Variants in BANK1 observed in about 807,000 individuals in gnomAD.
BANK1 encodes B-cell scaffold protein with ankyrin repeats.
In BANK1, 95 loss-of-function variants were observed where a neutral mutation model predicts 94.5. That is an observed-to-expected ratio of 1.00 (90% CI 0.85 to 1.19). The LOEUF is 1.19. Among genes scored for constraint, BANK1 ranks in the 50% most tolerant of loss-of-function variants. The pLI, the probability that BANK1 is intolerant of heterozygous loss-of-function variation, is 0.00. For missense variants in BANK1, 987 were observed against 932.2 expected (o/e 1.06, Z -0.77); for synonymous variants, 334 against 308.4 (o/e 1.08, Z -0.87).
intron 10 of BANK1, among the ~76,000 whole-genome samples, chr4:102,031,499 A>G (rs1727310051): frequency 6.6e-6 from 1 of 152,182 alleles, no homozygotes; most frequent in Non-Finnish European, 1.5e-5. Flanking sequence ...TGTTTTAGAC[A>G]TGAAGTCCTT....
At chr4:101,873,513 T>TA (rs775765474) in intron 5 of BANK1, among the ~76,000 whole-genome samples, 10 of 152,156 alleles carry the variant, frequency 6.6e-5, no homozygotes, top group Admixed American at 2.0e-4. Context: ...ATTATCATTT[T>TA]AAAAAAACTG....
chr4:102,072,531 C>A, intron 15 of BANK1, 131 bp downstream of exon 15: 1 of 571,648 alleles, frequency 1.7e-6, no homozygotes, highest in African/African-American at 1.9e-5. Context: ...GTTAGGTGTG[C>A]CTTTGTGTGC....
rs1055109965 is a variant in BANK1, at chr4:101,963,781, G to A, written c.1206+45592G>A. 5.9e-5 allele frequency among the ~76,000 whole-genome samples: 9 copies of A among 152,060 alleles called. No homozygotes were observed. The East Asian group carries it at 7.7e-4, about 13-fold the overall frequency. On this transcript the variant is annotated intron_variant, in intron 7 of 16. Transcript: ENST00000322953. ...AATCATTTACCCGAGGCCTTTTCTC[G>A]CACCTGGTACTCAATTGACCCTCCT...
chr4:101,852,607 C>T (rs1348246109), intron 2 of BANK1, among the ~76,000 whole-genome samples: 3 of 150,102 alleles, frequency 2.0e-5, no homozygotes, highest in Non-Finnish European at 4.4e-5. Flanking sequence ...GAATAGGAGC[C>T]TACTAAATTG....
At chr4:101,929,515 T>A (rs1723275803) in intron 7 of BANK1, among the ~76,000 whole-genome samples, 1 of 151,660 alleles carries the variant, frequency 6.6e-6, no homozygotes, top group Admixed American at 6.6e-5. Context: ...CTCTCTTTTC[T>A]ACTGTATATG....
rs374245083 is a variant in BANK1, at chr4:101,978,426, T to A, written c.1207-43088T>A. ...AATTTAATTGCAATAATATATATGA[T>A]GTACCTGGAAGGTAGTAAGTACTCA... is the stretch of plus-strand genomic sequence containing the variant. On this transcript the variant is annotated intron_variant, in intron 7 of 16. Transcript: ENST00000322953. 3.9e-3 allele frequency among the ~76,000 whole-genome samples: 595 copies of A among 152,208 alleles called. 35 individuals are homozygous for A. In the South Asian group the frequency reaches 0.11, roughly 27 times the overall value.
chr4:101,860,782 G>A (rs1204311147), intron 3 of BANK1, among the ~76,000 whole-genome samples: 1 of 152,132 alleles, frequency 6.6e-6, no homozygotes, highest in Non-Finnish European at 1.5e-5. Context: ...GGAGTCGGTT[G>A]GGTGGATAAA....
chr4:101,826,176 C>T (rs1335734075), intron 1 of BANK1, among the ~76,000 whole-genome samples: 1 of 152,064 alleles, frequency 6.6e-6, no homozygotes, highest in African/African-American at 2.4e-5. Context: ...AGTAAGCCTT[C>T]ACATACTGTG....
At chr4:102,021,002 T>C (rs1215775366) in intron 7 of BANK1, among the ~76,000 whole-genome samples, 3 of 152,172 alleles carry the variant, frequency 2.0e-5, no homozygotes, top group African/African-American at 7.2e-5. Flanking sequence ...GTACATATAG[T>C]GGAACTGTTT....
Position 101,890,180 on chromosome 4 carries a change from G to A in BANK1, c.904-5125G>A, listed in dbSNP as rs868132970. On this transcript the variant is annotated intron_variant, in intron 5 of 16. Coordinates refer to ENST00000322953, the MANE Select transcript of BANK1 (RefSeq NM_017935.5). ...TATGTATGTGGATTGATGCTGATTG[G>A]TTAGATCATTGGGATGATGGTGTGT... Among the ~76,000 whole-genome samples, 107 of 152,178 alleles carry A rather than the reference G, an allele frequency of 7.0e-4. 1 individual carries two copies. The highest frequency in any genetic ancestry group is 2.4e-3 in the African/African-American group (101 of 41,534).
At chr4:102,044,029 C>A in intron 11 of BANK1, 122 bp downstream of exon 11, 1 of 540,884 alleles carries the variant, frequency 1.8e-6, no homozygotes, top group Non-Finnish European at 3.3e-6. Context: ...AAATCTTACT[C>A]TTTTTTTTAT....
At chr4:101,948,199 GA>G in intron 7 of BANK1, among the ~76,000 whole-genome samples, 1 of 152,194 alleles carries the variant, frequency 6.6e-6, no homozygotes, top group South Asian at 2.1e-4. Flanking sequence ...TACAAAAGAG[GA>G]AGATCACATA....
At chr4:101,987,558 A>G (rs1382755487) in intron 7 of BANK1, among the ~76,000 whole-genome samples, 1 of 152,090 alleles carries the variant, frequency 6.6e-6, no homozygotes, top group East Asian at 1.9e-4. Flanking sequence ...AGCTTATCTC[A>G]TTGGGAATTG....
chr4:102,021,416 T>C (rs1726894612), intron 7 of BANK1, 98 bp from the exon 8 acceptor site: 1 of 449,660 alleles, frequency 2.2e-6, no homozygotes. Context: ...TGTAATATAA[T>C]ATTTAAATAA....
chr4:101,848,400 T>G (rs1727339041), intron 2 of BANK1, among the ~76,000 whole-genome samples: 1 of 152,224 alleles, frequency 6.6e-6, no homozygotes, highest in South Asian at 2.1e-4. Flanking sequence ...GTATTCATTT[T>G]AGGTCAAACC....
At chr4:101,861,012 G>T (rs977188946) in intron 3 of BANK1, among the ~76,000 whole-genome samples, 1 of 152,270 alleles carries the variant, frequency 6.6e-6, no homozygotes, top group African/African-American at 2.4e-5. Context: ...TACTAGAAGC[G>T]AGGCCCTGTG....
At chr4:102,020,010 A>G (rs1288168605) in intron 7 of BANK1, among the ~76,000 whole-genome samples, 3 of 152,136 alleles carry the variant, frequency 2.0e-5, no homozygotes, top group African/African-American at 4.8e-5. Flanking sequence ...AAACAATTCC[A>G]TTAGGTTTCA....
chr4:101,921,352 T>C (rs1722991092), intron 7 of BANK1, among the ~76,000 whole-genome samples: 1 of 152,066 alleles, frequency 6.6e-6, no homozygotes, highest in Admixed American at 6.6e-5. Flanking sequence ...TTAGCATTAT[T>C]CATAAGGAAA....
intron 1 of BANK1, among the ~76,000 whole-genome samples, chr4:101,825,427 A>G (rs935419482): frequency 6.6e-6 from 1 of 152,102 alleles, no homozygotes; most frequent in Non-Finnish European, 1.5e-5. Context: ...TATTTTCTAG[A>G]AAAAGGGAAA....
Sources: allele counts gnomAD v4.1 joint callset (sites outside exome capture counted in the v4.1 genomes callset), GRCh38; gene constraint gnomAD v4.1.1; transcripts MANE v1.5; gene names NCBI Gene and HGNC (gene_info 2026-07-23, HGNC 2026-07-21).